PPP6R3: variants seen among roughly 807,000 people sequenced by gnomAD.
PPP6R3 encodes the protein serine/threonine-protein phosphatase 6 regulatory subunit 3.
Under a neutral mutation model 110.7 loss-of-function variants are expected in PPP6R3, and 38 were observed. That is an observed-to-expected ratio of 0.34 (90% CI 0.26 to 0.45). PPP6R3 has a LOEUF of 0.45. Ranked by LOEUF, PPP6R3 falls within the 20% of genes least tolerant of loss-of-function variation. The pLI, the probability that PPP6R3 is intolerant of heterozygous loss-of-function variation, is 1.00. For missense variants in PPP6R3, 870 were observed against 1,062.4 expected, an observed-to-expected ratio of 0.82 and a Z score of 2.52; for synonymous variants, 369 against 373.5, an observed-to-expected ratio of 0.99 and a Z score of 0.14.
intron 10 of PPP6R3, among the ~76,000 whole-genome samples, 178 bp downstream of exon 10, chr11:68,567,344 G>T (rs75293838): frequency 6.6e-6 from 1 of 152,102 alleles, no homozygotes; most frequent in Non-Finnish European, 1.5e-5. Flanking sequence ...GCTTATAATT[G>T]TTCACTAGGC....
chr11:68,547,315 C>T (rs2099353267), intron 4 of PPP6R3, among the ~76,000 whole-genome samples: 1 of 152,098 alleles, frequency 6.6e-6, no homozygotes. Context: ...TGCGACACTC[C>T]CCCTGGGACT....
chr11:68,579,074 G>A (rs546101392), intron 14 of PPP6R3, among the ~76,000 whole-genome samples: 1 of 152,358 alleles, frequency 6.6e-6, no homozygotes, highest in South Asian at 2.1e-4. Context: ...TGACAAGACA[G>A]TGTGTAGAAG....
At chr11:68,604,899 T>G (rs1385005307) in intron 22 of PPP6R3, among the ~76,000 whole-genome samples, 1 of 152,306 alleles carries the variant, frequency 6.6e-6, no homozygotes, top group East Asian at 1.9e-4. Context: ...TCTATGAAAT[T>G]AATGAAATTT....
intron 10 of PPP6R3, among the ~76,000 whole-genome samples, chr11:68,568,835 G>A (rs1206615105): frequency 6.6e-6 from 1 of 151,576 alleles, no homozygotes; most frequent in Non-Finnish European, 1.5e-5. Flanking sequence ...AGTGATCTTG[G>A]CTCACTGCAA....
intron 1 of PPP6R3, among the ~76,000 whole-genome samples, chr11:68,513,583 C>T (rs80287304): frequency 1.8e-3 from 278 of 152,242 alleles, no homozygotes; most frequent in Non-Finnish European, 3.0e-3. Flanking sequence ...ACAGGTGTTT[C>T]GAAGATCATA....
chr11:68,552,250 C>T (rs2099384181), intron 6 of PPP6R3, among the ~76,000 whole-genome samples: 3 of 152,220 alleles, frequency 2.0e-5, no homozygotes, highest in Non-Finnish European at 4.4e-5. Context: ...CTGGGAGAAT[C>T]TCCTTGTGTG....
intron 1 of PPP6R3, among the ~76,000 whole-genome samples, chr11:68,465,412 G>A (rs1232851614): frequency 6.6e-6 from 1 of 152,174 alleles, no homozygotes; most frequent in Non-Finnish European, 1.5e-5. Context: ...GAGAAGGGTA[G>A]ATCTTTTTTG....
At chr11:68,521,305 T>C (rs146758120) in intron 2 of PPP6R3, among the ~76,000 whole-genome samples, 1 of 152,362 alleles carries the variant, frequency 6.6e-6, no homozygotes, top group East Asian at 1.9e-4. Context: ...TTAGTACTTT[T>C]CACAAAATAA....
In PPP6R3 at chr11:68,603,395, A is replaced by ATCT. The variant is rs774691303; in HGVS notation, c.2353_2354insTCT (p.Ser785delinsIleCys). On this transcript the variant is annotated protein_altering_variant, in exon 22 of 24. Coordinates refer to ENST00000393800, the MANE Select transcript of PPP6R3 (RefSeq NM_001164161.2). ...CTCTGACGGAGAGGAGGATGCAGAA[A>ATCT]GTACAGACAAGGTAACTGAGACAGT... 1.6e-5 allele frequency: 26 copies of ATCT among 1,613,966 alleles called. No individual in the cohort carries two copies. Among genetic ancestry groups the ATCT allele is most frequent in the Middle Eastern group, 1.6e-4 (1 of 6,078 alleles).
intron 18 of PPP6R3, among the ~76,000 whole-genome samples, chr11:68,593,657 A>C (rs145327598): frequency 1.3e-4 from 20 of 152,376 alleles, no homozygotes; most frequent in Non-Finnish European, 2.8e-4. Flanking sequence ...AAAACTACTG[A>C]GCAGCAGAAT....
At chr11:68,544,519 C>T (rs988450814) in intron 3 of PPP6R3, among the ~76,000 whole-genome samples, 12 of 152,340 alleles carry the variant, frequency 7.9e-5, no homozygotes, top group African/African-American at 2.2e-4. Context: ...TACGTCCAGC[C>T]GCTTTCCTCG....
At chr11:68,570,892 A>T in intron 11 of PPP6R3, 148 bp from the exon 12 acceptor site, 1 of 950,056 alleles carries the variant, frequency 1.1e-6, no homozygotes, top group Non-Finnish European at 1.5e-6. Flanking sequence ...TGTCTGCAGT[A>T]GATTGATGAT....
At chr11:68,499,318 G>GTGGC (rs2099035880) in intron 1 of PPP6R3, among the ~76,000 whole-genome samples, 1 of 152,112 alleles carries the variant, frequency 6.6e-6, no homozygotes, top group Non-Finnish European at 1.5e-5. Flanking sequence ...CTGTTCTAAG[G>GTGGC]TGGCTCATTT....
At chr11:68,536,381 T>C (rs2099271088) in intron 2 of PPP6R3, among the ~76,000 whole-genome samples, 1 of 151,944 alleles carries the variant, frequency 6.6e-6, no homozygotes, top group African/African-American at 2.4e-5. Flanking sequence ...TCAGCCTCCT[T>C]AGTAGCTGGT....
intron 2 of PPP6R3, among the ~76,000 whole-genome samples, chr11:68,530,967 AG>A (rs1328268063): frequency 2.0e-5 from 3 of 152,080 alleles, no homozygotes; most frequent in Non-Finnish European, 4.4e-5. Flanking sequence ...TTCTTTCTTC[AG>A]GGTTCTAATA....
At chr11:68,507,896 A>T (rs1432226968) in intron 1 of PPP6R3, among the ~76,000 whole-genome samples, 1 of 152,130 alleles carries the variant, frequency 6.6e-6, no homozygotes, top group Non-Finnish European at 1.5e-5. Context: ...CAGGAATATC[A>T]TGGTATTTAT....
intron 4 of PPP6R3, among the ~76,000 whole-genome samples, chr11:68,545,933 C>T (rs893478445): frequency 2.6e-5 from 4 of 152,206 alleles, no homozygotes; most frequent in African/African-American, 7.2e-5. Context: ...TGTGATGATA[C>T]GGGGCAAAAG....
chr11:68,567,235 C>A, intron 10 of PPP6R3, 69 bp downstream of exon 10: 1 of 1,401,984 alleles, frequency 7.1e-7, no homozygotes, highest in Non-Finnish European at 9.5e-7. Context: ...AACCAAGTTA[C>A]AACCTTACAA....
chr11:68,559,913 C>A (rs1309414614), intron 8 of PPP6R3, among the ~76,000 whole-genome samples: 1 of 128,362 alleles, frequency 7.8e-6, no homozygotes, highest in Non-Finnish European at 1.7e-5. Flanking sequence ...CCCACCCCAG[C>A]GGTACGGTGC....
Sources: allele counts gnomAD v4.1 joint callset (sites outside exome capture counted in the v4.1 genomes callset), GRCh38; gene constraint gnomAD v4.1.1; transcripts MANE v1.5; gene names NCBI Gene and HGNC (gene_info 2026-07-23, HGNC 2026-07-21).